The following HSDL2 variants were observed in gnomAD, a reference collection of about 807,000 sequenced individuals.
HSDL2 encodes hydroxysteroid dehydrogenase-like protein 2.
HSDL2 carries 27 observed loss-of-function variants against 46.3 expected under a neutral mutation model. The observed-to-expected ratio is 0.58, with a 90% CI of 0.43 to 0.80. The LOEUF (loss-of-function observed/expected upper bound fraction) is 0.80, where lower values mean the gene tolerates loss of function less well. Ranked by LOEUF, HSDL2 falls within the 30% of genes least tolerant of loss-of-function variation. The pLI is 0.00. For synonymous variants in HSDL2, 153 were observed against 163.6 expected (o/e 0.94, Z 0.50); for missense variants, 451 against 502.7 (o/e 0.90, Z 0.98).
intron 5 of HSDL2, among the ~76,000 whole-genome samples, chr9:112,418,462 A>G (rs2132642742): frequency 6.6e-6 from 1 of 151,832 alleles, no homozygotes; most frequent in Middle Eastern, 3.4e-3. Context: ...ACACACCCAT[A>G]GTCCCAGCTA....
intron 4 of HSDL2, among the ~76,000 whole-genome samples, chr9:112,410,739 C>T (rs562620595): frequency 6.6e-6 from 1 of 152,290 alleles, no homozygotes; most frequent in East Asian, 1.9e-4. Context: ...CCAGCCTAGA[C>T]AACATGGCAA....
Position 112,399,720 on chromosome 9 carries a change from C to T in HSDL2, c.18-4275C>T, listed in dbSNP as rs528373201. Among the ~76,000 whole-genome samples, 166 of 152,306 alleles carry T rather than the reference C, an allele frequency of 1.1e-3. 1 individual carries two copies. Among genetic ancestry groups the T allele is most frequent in the African/African-American group, 3.8e-3 (159 of 41,560 alleles). On this transcript the variant is annotated intron_variant, in intron 1 of 10. Transcript: ENST00000398805. The stretch of plus-strand genomic sequence containing the variant: ...GCAATATCTCGCCTACTTGGACATC[C>T]GTTTATAGGCTCTCTGCAAGAAGAA...
chr9:112,404,671 C>G (rs1831686016), intron 2 of HSDL2, among the ~76,000 whole-genome samples: 1 of 152,128 alleles, frequency 6.6e-6, no homozygotes, highest in Non-Finnish European at 1.5e-5. Flanking sequence ...GTTATTTATT[C>G]TCTGTACAAT....
chr9:112,394,780 G>A (rs1024838559), intron 1 of HSDL2, among the ~76,000 whole-genome samples: 13 of 152,164 alleles, frequency 8.5e-5, no homozygotes, highest in African/African-American at 2.9e-4. Context: ...AGGCACAGAG[G>A]AGGGTATTTA....
intron 1 of HSDL2, among the ~76,000 whole-genome samples, chr9:112,398,429 G>A (rs997865661): frequency 6.6e-6 from 1 of 151,986 alleles, no homozygotes; most frequent in Non-Finnish European, 1.5e-5. Flanking sequence ...TCCAAGTCGG[G>A]TCCGTGGGAG....
intron 9 of HSDL2, among the ~76,000 whole-genome samples, chr9:112,456,985 A>G (rs921795687): frequency 6.6e-6 from 1 of 152,086 alleles, no homozygotes; most frequent in Non-Finnish European, 1.5e-5. Context: ...CATCTCTACT[A>G]AAAAATATAA....
chr9:112,428,780 A>C (rs1427510359), intron 6 of HSDL2, among the ~76,000 whole-genome samples: 1 of 152,206 alleles, frequency 6.6e-6, no homozygotes, highest in Non-Finnish European at 1.5e-5. Flanking sequence ...ACCCTTCCTC[A>C]CATCACTGTT....
chr9:112,389,567 GA>G (rs1831293324), intron 1 of HSDL2, among the ~76,000 whole-genome samples: 1 of 152,078 alleles, frequency 6.6e-6, no homozygotes, highest in African/African-American at 2.4e-5. Context: ...GCCAACAAAA[GA>G]TGTATAATAC....
chr9:112,456,302 A>ATTTGT (rs1833020362), intron 9 of HSDL2, among the ~76,000 whole-genome samples: 1 of 152,152 alleles, frequency 6.6e-6, no homozygotes, highest in Non-Finnish European at 1.5e-5. Context: ...CACCCTGCTG[A>ATTTGT]TACCATTTGT....
rs929740309 is a variant in HSDL2 at position 112,454,061 on chromosome 9, C to T, written c.914C>T (p.Pro305Leu). Residue 305 changes from proline to leucine, a missense_variant, in exon 9 of 11, where the codon CCA (proline) becomes CTA (leucine). Pro to Leu is a moderately conservative substitution (Grantham distance 98). Transcript: ENST00000398805. ...KEEKLQLQPK[P>L]RSGAVEETFR... The stretch of plus-strand genomic sequence containing the variant: ...GAGAAACTGCAGCTGCAACCAAAAC[C>T]ACGTTCTGGAGCTGTGGAAGAAACA... 3 of 1,613,716 alleles carry T rather than the reference C, an allele frequency of 1.9e-6. No individual in the cohort carries two copies. The highest frequency in any genetic ancestry group is 2.7e-5 in the African/African-American group (2 of 74,920).
chr9:112,438,637 A>G lies in HSDL2; in HGVS notation c.793+12A>G, dbSNP rs1419005745. ...TGCAATTAAACCAGGTAATGCTTTT[A>G]TAGTTTTTAAAAGTAGTGATACGTT... On this transcript the variant is annotated intron_variant, in intron 7 of 10. Coordinates refer to ENST00000398805, the MANE Select transcript of HSDL2 (RefSeq NM_032303.5). 6 of 1,470,478 alleles carry G rather than the reference A, an allele frequency of 4.1e-6. No homozygotes were observed. The highest frequency in any genetic ancestry group is 4.7e-6 in the Non-Finnish European group (5 of 1,072,980). The allele number at this position is 1,470,478 out of a possible 1,614,324, so 91.1% of individuals were successfully genotyped here.
chr9:112,426,157 C>T (rs191493900), intron 6 of HSDL2, among the ~76,000 whole-genome samples: 2 of 151,886 alleles, frequency 1.3e-5, no homozygotes, highest in Non-Finnish European at 2.9e-5. Flanking sequence ...GTGATAGCCT[C>T]TGTAGTCCGT....
At chr9:112,419,379 C>A (rs1564116273) in intron 6 of HSDL2, among the ~76,000 whole-genome samples, 1 of 152,172 alleles carries the variant, frequency 6.6e-6, no homozygotes, top group African/African-American at 2.4e-5. Flanking sequence ...TAACTTCAAT[C>A]TGTTTGTTGG....
At chr9:112,462,523 A>C (rs185758646) in intron 10 of HSDL2, among the ~76,000 whole-genome samples, 23 of 151,872 alleles carry the variant, frequency 1.5e-4, no homozygotes, top group Admixed American at 4.6e-4. Context: ...CTTTTGGCCA[A>C]TAGAGGCCAC....
chr9:112,446,701 TC>T (rs1005194135), intron 8 of HSDL2, among the ~76,000 whole-genome samples: 1 of 152,102 alleles, frequency 6.6e-6, no homozygotes, highest in Non-Finnish European at 1.5e-5. Flanking sequence ...CCACGGTTCT[TC>T]CCCTCCCCAT....
chr9:112,437,724 T>C (rs1023035425), intron 6 of HSDL2, among the ~76,000 whole-genome samples: 10 of 152,358 alleles, frequency 6.6e-5, no homozygotes, highest in African/African-American at 2.4e-4. Flanking sequence ...AGACTGTTGG[T>C]ACTGTCTGTT....
At chr9:112,398,122 T>C (rs1394241983) in intron 1 of HSDL2, among the ~76,000 whole-genome samples, 1 of 151,608 alleles carries the variant, frequency 6.6e-6, no homozygotes, top group South Asian at 2.1e-4. Flanking sequence ...GAAAGGGGCA[T>C]TGGGGGAGCA....
chr9:112,403,949 A>C (rs765619877), intron 1 of HSDL2, 46 bp from the exon 2 acceptor site: 180 of 1,572,164 alleles, frequency 1.1e-4, no homozygotes, highest in Non-Finnish European at 1.5e-4. Context: ...CTGTCAGTAA[A>C]TAAAACATTG....
At chr9:112,416,218 T>C (rs1312496660) in intron 4 of HSDL2, among the ~76,000 whole-genome samples, 2 of 151,316 alleles carry the variant, frequency 1.3e-5, no homozygotes, top group Non-Finnish European at 2.9e-5. Flanking sequence ...GAGACACGCC[T>C]GCGCCACATA....
Sources: allele counts gnomAD v4.1 joint callset (sites outside exome capture counted in the v4.1 genomes callset), GRCh38; gene constraint gnomAD v4.1.1; transcripts MANE v1.5; gene names NCBI Gene and HGNC (gene_info 2026-07-23, HGNC 2026-07-21).